The following LRRC52 variants were observed in gnomAD, a reference collection of about 807,000 sequenced individuals.
LRRC52 encodes the protein leucine-rich repeat-containing protein 52.
In LRRC52, 15 loss-of-function variants were observed where a neutral mutation model predicts 14.7. The ratio of observed to expected loss-of-function variants is 1.02; its 90% confidence interval spans 0.68 to 1.58. The LOEUF is 1.58. Among genes scored for constraint, LRRC52 ranks in the 40% most tolerant of loss-of-function variants. The pLI, the probability that LRRC52 is intolerant of heterozygous loss-of-function variation, is 0.00. For missense variants in LRRC52, 400 were observed against 387.7 expected, an observed-to-expected ratio of 1.03 and a Z score of -0.27; for synonymous variants, 180 against 163.9, an observed-to-expected ratio of 1.10 and a Z score of -0.75.
intron 1 of LRRC52, among the ~76,000 whole-genome samples, chr1:165,547,040 G>A (rs894867544): frequency 4.0e-5 from 6 of 151,864 alleles, no homozygotes; most frequent in Admixed American, 6.6e-5. Context: ...TCCACACATG[G>A]TACCTCATTT....
chr1:165,546,759 T>C (rs1661029146), intron 1 of LRRC52, among the ~76,000 whole-genome samples: 1 of 152,114 alleles, frequency 6.6e-6, no homozygotes. Flanking sequence ...AGATTTCTGC[T>C]TGCACAGTTG....
intron 1 of LRRC52, 85 bp downstream of exon 1, chr1:165,545,003 G>A: frequency 6.5e-7 from 1 of 1,529,710 alleles, no homozygotes; most frequent in Non-Finnish European, 8.9e-7. Flanking sequence ...CAGAATGGGA[G>A]AAAAAGTTGG....
At position 165,545,069 on chromosome 1, in the gene LRRC52, T is replaced by C. The variant is rs1198891087; in HGVS notation, c.622+151T>C. The C allele has an allele frequency of 8.0e-6, 8 of 994,322 alleles. No individual in the cohort carries two copies. In the East Asian group the frequency reaches 1.7e-4, roughly 21 times the overall value. 61.6% of individuals were successfully genotyped at this position (994,322 alleles called of 1,614,324 possible). On this transcript the variant is annotated intron_variant, in intron 1 of 1. Coordinates refer to ENST00000294818, the MANE Select transcript of LRRC52 (RefSeq NM_001005214.4). ...CTGCAGGGCCCACCCTTGGGTTGACTGGAGTAGCAGTAAGAAAAAGTTCTG... is the reference window on the plus strand; with the variant it reads ...CTGCAGGGCCCACCCTTGGGTTGACCGGAGTAGCAGTAAGAAAAAGTTCTG...
At chr1:165,552,123 C>A (rs1661144544) in intron 1 of LRRC52, among the ~76,000 whole-genome samples, 1 of 152,044 alleles carries the variant, frequency 6.6e-6, no homozygotes, top group Non-Finnish European at 1.5e-5. Context: ...CCAGAAAATC[C>A]AAGAAGGGAT....
intron 1 of LRRC52, among the ~76,000 whole-genome samples, chr1:165,551,494 A>T (rs942158082): frequency 2.6e-5 from 4 of 152,218 alleles, no homozygotes; most frequent in African/African-American, 4.8e-5. Context: ...GACAGGGAAC[A>T]ACCAGAAACA....
intron 1 of LRRC52, among the ~76,000 whole-genome samples, chr1:165,546,261 A>G (rs1003280086): frequency 1.3e-5 from 2 of 152,114 alleles, no homozygotes; most frequent in Admixed American, 6.5e-5. Context: ...GCCTCCTTAA[A>G]TGTTGTGCCT....
intron 1 of LRRC52, among the ~76,000 whole-genome samples, chr1:165,547,361 T>C (rs1315295110): frequency 1.3e-5 from 2 of 152,182 alleles, no homozygotes; most frequent in African/African-American, 4.8e-5. Context: ...TTATTTTCTA[T>C]CTGGCTGCCG....
At chr1:165,545,648 T>C (rs77848463) in intron 1 of LRRC52, among the ~76,000 whole-genome samples, 5,049 of 151,860 alleles carry the variant, frequency 0.033, 305 homozygotes, top group African/African-American at 0.12. Context: ...ACCTGGGAGA[T>C]TTCCAAGCTC....
intron 1 of LRRC52, 89 bp from the exon 2 acceptor site, chr1:165,563,416 T>A: frequency 8.8e-7 from 1 of 1,133,220 alleles, no homozygotes; most frequent in South Asian, 1.5e-5. Context: ...GCACTGAGGG[T>A]GCAGATGGTC....
At chr1:165,554,133 T>C (rs1004217991) in intron 1 of LRRC52, among the ~76,000 whole-genome samples, 2 of 152,108 alleles carry the variant, frequency 1.3e-5, no homozygotes, top group Non-Finnish European at 2.9e-5. Context: ...CCTCAAGTTG[T>C]GATAATTAAA....
chr1:165,550,754 GAA>G (rs1313692307), intron 1 of LRRC52, among the ~76,000 whole-genome samples: 1 of 151,740 alleles, frequency 6.6e-6, no homozygotes, highest in Non-Finnish European at 1.5e-5. Flanking sequence ...GTTTCACCGA[GAA>G]AAAAAGTCAT....
At chr1:165,552,516 G>T (rs1299156804) in intron 1 of LRRC52, among the ~76,000 whole-genome samples, 1 of 152,180 alleles carries the variant, frequency 6.6e-6, no homozygotes, top group African/African-American at 2.4e-5. Context: ...TGGAGGTAAG[G>T]CTAGGAAGGA....
Position 165,563,618 on chromosome 1 carries a change from A to T in LRRC52, c.736A>T (p.Ile246Phe). The change falls in exon 2 of 2, where the codon ATC (isoleucine) becomes TTC (phenylalanine). Residue 246 changes from isoleucine (I) to phenylalanine (F), a missense_variant. Physicochemically the swap from Ile to Phe is conservative, Grantham distance 21. Transcript: ENST00000294818. Reference sequence around the variant, plus strand: ...CACGCACCTGGACCACAAAGACTACATCTTCCTGCTGCTCATCGGCTTCTG... The same window carrying T: ...CACGCACCTGGACCACAAAGACTACTTCTTCCTGCTGCTCATCGGCTTCTG... ...CITHLDHKDY[I>F]FLLLIGFCIF... 1 of 1,614,190 alleles carries T rather than the reference A, an allele frequency of 6.2e-7. No homozygotes were observed. The highest frequency in any genetic ancestry group is 8.5e-7 in the Non-Finnish European group (1 of 1,180,036).
At chr1:165,561,441 A>G (rs747930786) in intron 1 of LRRC52, among the ~76,000 whole-genome samples, 3 of 151,872 alleles carry the variant, frequency 2.0e-5, no homozygotes, top group Non-Finnish European at 2.9e-5. Flanking sequence ...ATTCCTGGAG[A>G]GCTCCCAGGC....
chr1:165,559,562 T>C (rs1284830088), intron 1 of LRRC52, among the ~76,000 whole-genome samples: 1 of 152,184 alleles, frequency 6.6e-6, no homozygotes, highest in Non-Finnish European at 1.5e-5. Flanking sequence ...AGAAAATCAG[T>C]ACACCACCAC....
chr1:165,563,697 T>C lies in LRRC52; in HGVS notation c.815T>C (p.Leu272Pro), dbSNP rs757708691. 1.2e-6 allele frequency: 2 copies of C among 1,614,132 alleles called. No homozygotes were observed. The highest frequency in any genetic ancestry group is 8.5e-7 in the Non-Finnish European group (1 of 1,180,002). Residue 272 changes from leucine (L) to proline (P), a missense_variant, in exon 2 of 2, where the codon CTC becomes CCC. Transcript: ENST00000294818. Reference sequence around the variant, plus strand: ...TGGCTCACAGGTGTGTGTGCTGTGCTCTACCAGAACACCCGCCACAAGTCG... The same window carrying C: ...TGGCTCACAGGTGTGTGTGCTGTGCCCTACCAGAACACCCGCCACAAGTCG... ...AAWLTGVCAV[L>P]YQNTRHKSSE... is the part of the protein sequence containing the mutation.
chr1:165,557,364 C>T (rs1384167513), intron 1 of LRRC52, among the ~76,000 whole-genome samples: 1 of 152,100 alleles, frequency 6.6e-6, no homozygotes, highest in Non-Finnish European at 1.5e-5. Context: ...TGTAGAGTGT[C>T]CGAGGCAGTC....
intron 1 of LRRC52, among the ~76,000 whole-genome samples, chr1:165,550,429 G>A (rs1012039783): frequency 1.3e-5 from 2 of 152,184 alleles, no homozygotes; most frequent in Non-Finnish European, 2.9e-5. Flanking sequence ...AATTTGGCTA[G>A]AACAAATGAA....
intron 1 of LRRC52, among the ~76,000 whole-genome samples, chr1:165,548,936 T>C (rs1160258079): frequency 6.6e-6 from 1 of 152,100 alleles, no homozygotes; most frequent in Non-Finnish European, 1.5e-5. Context: ...GCATACGTGG[T>C]GTTAGAGGAC....
Sources: allele counts gnomAD v4.1 joint callset (sites outside exome capture counted in the v4.1 genomes callset), GRCh38; gene constraint gnomAD v4.1.1; transcripts MANE v1.5; gene names NCBI Gene and HGNC (gene_info 2026-07-23, HGNC 2026-07-21).